The following TMEM266 variants were observed in gnomAD, a reference collection of about 807,000 sequenced individuals.
TMEM266 encodes the protein transmembrane protein 266.
TMEM266 carries 33 observed loss-of-function variants against 50.5 expected under a neutral mutation model. The observed-to-expected ratio is 0.65, with a 90% CI of 0.50 to 0.87. The LOEUF is 0.87. Ranked by LOEUF, TMEM266 falls within the 40% of genes least tolerant of loss-of-function variation. The pLI, the probability that TMEM266 is intolerant of heterozygous loss-of-function variation, is 0.00. For missense variants in TMEM266, 655 were observed against 695.1 expected (o/e 0.94, Z 0.65); for synonymous variants, 310 against 292.3 (o/e 1.06, Z -0.62).
rs71140194 is a variant in TMEM266, at chr15:76,075,837, C to CTTTT, written c.-97+15855_-97+15858dup. Among the ~76,000 whole-genome samples the CTTTT allele has an allele frequency of 2.0e-3, 47 of 23,596 alleles. 20 individuals are homozygous for CTTTT. Among genetic ancestry groups the CTTTT allele is most frequent in the Non-Finnish European group, 2.5e-3 (28 of 11,154 alleles). The allele number at this position is 23,596 out of a possible 152,430, so 15.5% of individuals were successfully genotyped here. A position where few individuals can be genotyped will look rare whatever the true frequency, so the allele number is the denominator to read the frequency against. On this transcript the variant is annotated intron_variant, in intron 1 of 10. Coordinates refer to ENST00000388942, the MANE Select transcript of TMEM266 (RefSeq NM_152335.3). ...CTGGAGGAGAATGAAGAGAAGGCAGCTTTTTTTTTTTTTTTTTTTTTTTTT... is the reference window on the plus strand; with the variant it reads ...CTGGAGGAGAATGAAGAGAAGGCAGCTTTTTTTTTTTTTTTTTTTTTTTTTTTTT...
intron 1 of TMEM266, chr15:76,112,820 T>C (rs1321949658): frequency 2.0e-5 from 3 of 152,184 alleles, no homozygotes; most frequent in Non-Finnish European, 1.5e-5. Flanking sequence ...GCTTACGGTC[T>C]AGAGTAGATG....
intron 1 of TMEM266, among the ~76,000 whole-genome samples, chr15:76,094,206 A>G (rs1315823574): frequency 6.6e-6 from 1 of 152,088 alleles, no homozygotes; most frequent in African/African-American, 2.4e-5. Context: ...TATGTCCTAA[A>G]TGGTATTGCC....
At chr15:76,197,766 C>T (rs74026406) in intron 9 of TMEM266, among the ~76,000 whole-genome samples, 20 of 152,238 alleles carry the variant, frequency 1.3e-4, no homozygotes, top group South Asian at 8.3e-4. Flanking sequence ...ATGTGGTTGG[C>T]GCCCCATGCC....
chr15:76,193,076 A>G (rs1330966117), intron 9 of TMEM266, among the ~76,000 whole-genome samples: 1 of 152,192 alleles, frequency 6.6e-6, no homozygotes, highest in Non-Finnish European at 1.5e-5. Context: ...GCCACTCCTC[A>G]GCTCCATGAC....
intron 8 of TMEM266, among the ~76,000 whole-genome samples, chr15:76,186,686 G>A (rs2038494866): frequency 1.3e-5 from 2 of 152,154 alleles, no homozygotes; most frequent in East Asian, 1.9e-4. Flanking sequence ...GACTGCTGCA[G>A]TAGCCTCCCA....
intron 1 of TMEM266, among the ~76,000 whole-genome samples, chr15:76,075,457 T>G (rs1011804796): frequency 2.0e-5 from 3 of 152,136 alleles, no homozygotes; most frequent in Non-Finnish European, 4.4e-5. Flanking sequence ...ACCTAAGAGG[T>G]TGCATGTTTT....
chr15:76,185,293 C>T (rs949969286), intron 8 of TMEM266, among the ~76,000 whole-genome samples: 12 of 152,324 alleles, frequency 7.9e-5, no homozygotes, highest in African/African-American at 2.6e-4. Flanking sequence ...AGATCCTACT[C>T]TGCTCCACTA....
intron 1 of TMEM266, among the ~76,000 whole-genome samples, chr15:76,063,973 A>AG (rs1209066180): frequency 2.0e-5 from 3 of 152,176 alleles, no homozygotes; most frequent in African/African-American, 7.2e-5. Flanking sequence ...ATGGGGAAAA[A>AG]GTCACCTGAG....
chr15:76,118,168 C>T (rs1165747058), intron 1 of TMEM266, among the ~76,000 whole-genome samples: 1 of 152,236 alleles, frequency 6.6e-6, no homozygotes, highest in African/African-American at 2.4e-5. Flanking sequence ...CTGGCTTAAT[C>T]TTGTCCCATC....
intron 1 of TMEM266, among the ~76,000 whole-genome samples, chr15:76,094,940 T>G (rs1043660381): frequency 1.1e-4 from 16 of 152,078 alleles, no homozygotes; most frequent in Non-Finnish European, 1.5e-4. Context: ...ATAGAAATGC[T>G]TGTGATTTTT....
intron 1 of TMEM266, among the ~76,000 whole-genome samples, chr15:76,124,153 A>C (rs953364467): frequency 6.6e-6 from 1 of 152,254 alleles, no homozygotes; most frequent in African/African-American, 2.4e-5. Context: ...TGGAGAGCTT[A>C]GAAAGATGCC....
At chr15:76,200,147 C>G (rs2038722505) in intron 9 of TMEM266, among the ~76,000 whole-genome samples, 1 of 152,166 alleles carries the variant, frequency 6.6e-6, no homozygotes, top group Non-Finnish European at 1.5e-5. Context: ...CCACTGAGCA[C>G]AGATGAATGA....
At chr15:76,196,214 G>A (rs78963011) in intron 9 of TMEM266, among the ~76,000 whole-genome samples, 1 of 152,186 alleles carries the variant, frequency 6.6e-6, no homozygotes, top group Admixed American at 6.5e-5. Flanking sequence ...ATGCTTCTCC[G>A]TCCAGCCCTG....
At chr15:76,177,424 GTC>G (rs2038303878) in intron 8 of TMEM266, among the ~76,000 whole-genome samples, 1 of 152,242 alleles carries the variant, frequency 6.6e-6, no homozygotes, top group East Asian at 1.9e-4. Context: ...TGGGGGACAC[GTC>G]TGTGGAATGT....
Position 76,204,506 on chromosome 15 carries a change from C to T in TMEM266, c.*191C>T, listed in dbSNP as rs1174320310. ...TTCAGACCTCAAAGCCCAGAGCTGG[C>T]GCCTCTTCTCGCCCTGCTCAGGGGA... On this transcript the variant is annotated 3_prime_UTR_variant, in exon 11 of 11. Transcript: ENST00000388942. 9.5e-6 allele frequency: 5 copies of T among 524,054 alleles called. No individual in the cohort carries two copies. The highest frequency in any genetic ancestry group is 3.3e-5 in the Admixed American group (1 of 30,002). 32.5% of individuals were successfully genotyped at this position (524,054 alleles called of 1,614,324 possible).
chr15:76,141,968 C>T (rs1293604728), intron 3 of TMEM266, among the ~76,000 whole-genome samples: 3 of 152,230 alleles, frequency 2.0e-5, no homozygotes, highest in South Asian at 2.1e-4. Flanking sequence ...CTATACCACA[C>T]TTTGTTTATC....
At chr15:76,167,626 T>C (rs2038117547) in intron 5 of TMEM266, among the ~76,000 whole-genome samples, 1 of 151,952 alleles carries the variant, frequency 6.6e-6, no homozygotes, top group African/African-American at 2.4e-5. Context: ...CTCAGCCTTC[T>C]GAGTAGCTGG....
At chr15:76,124,039 G>C (rs969839801) in intron 1 of TMEM266, among the ~76,000 whole-genome samples, 1 of 152,228 alleles carries the variant, frequency 6.6e-6, no homozygotes, top group African/African-American at 2.4e-5. Flanking sequence ...GACTGGACTA[G>C]GTTCACATAG....
At chr15:76,136,032 C>G (rs994957638) in intron 2 of TMEM266, among the ~76,000 whole-genome samples, 1 of 151,866 alleles carries the variant, frequency 6.6e-6, no homozygotes, top group Admixed American at 6.6e-5. Context: ...CAACCTCCAT[C>G]TCCCGGGTTC....
Sources: allele counts gnomAD v4.1 joint callset (sites outside exome capture counted in the v4.1 genomes callset), GRCh38; gene constraint gnomAD v4.1.1; transcripts MANE v1.5; gene names NCBI Gene and HGNC (gene_info 2026-07-23, HGNC 2026-07-21).